CALD1: variants seen among roughly 807,000 people sequenced by gnomAD.
CALD1 encodes the protein caldesmon 1, also known as caldesmon.
In CALD1, 33 loss-of-function variants were observed where a neutral mutation model predicts 99.9. The ratio of observed to expected loss-of-function variants is 0.33; its 90% CI spans 0.25 to 0.44. CALD1 has a LOEUF of 0.44. CALD1 is among the 20% of genes least tolerant of loss of function. The pLI is 1.00. For synonymous variants in CALD1, 310 were observed against 325.0 expected (o/e 0.95, Z 0.50); for missense variants, 861 against 962.1 (o/e 0.89, Z 1.39).
intron 3 of CALD1, among the ~76,000 whole-genome samples, chr7:134,878,110 T>A (rs1801432833): frequency 6.6e-6 from 1 of 152,138 alleles, no homozygotes; most frequent in Admixed American, 6.5e-5. Context: ...TCCTGAATAA[T>A]TCATTTATTT....
Position 134,933,547 on chromosome 7 carries a change from G to T in CALD1, c.778G>T (p.Glu260Ter). 1 of 1,613,832 alleles carries T rather than the reference G, an allele frequency of 6.2e-7. No homozygotes were observed. Among genetic ancestry groups the T allele is most frequent in the South Asian group, 1.1e-5 (1 of 90,984 alleles). ...TTCCCATCATGAAAAGATGGAAGAGGAAGACAAGGAAAGAGCTGAGGCAGA... is the reference window on the plus strand; with the variant it reads ...TTCCCATCATGAAAAGATGGAAGAGTAAGACAAGGAAAGAGCTGAGGCAGA... ...EISHHEKMEE[E>*]DKERAEAERA... The change falls in exon 5 of 15, where the codon GAA (glutamate) becomes TAA (stop). Residue 260 changes from glutamate to a stop codon, truncating the protein, a stop_gained. Coordinates refer to ENST00000361675, the MANE Select transcript of CALD1 (RefSeq NM_033138.4). LOFTEE classifies it high-confidence loss of function.
intron 3 of CALD1, among the ~76,000 whole-genome samples, chr7:134,882,567 C>A (rs773505745): frequency 2.5e-4 from 38 of 152,132 alleles, no homozygotes; most frequent in Non-Finnish European, 1.8e-4. Flanking sequence ...GCCAAACGTA[C>A]AGGAGTCCAA....
chr7:134,929,644 G>GTATATATATA (rs1298035690), intron 4 of CALD1, among the ~76,000 whole-genome samples: 1 of 1,812 alleles, frequency 5.5e-4, no homozygotes, highest in Non-Finnish European at 1.2e-3. Context: ...GTGTGTGTGT[G>GTATATATATA]TGTATATATA....
upstream of CALD1, among the ~76,000 whole-genome samples, chr7:134,740,280 G>A (rs528817713): frequency 1.3e-5 from 2 of 152,140 alleles, no homozygotes; most frequent in African/African-American, 4.8e-5. Flanking sequence ...AATATGCAAT[G>A]ACACAAGTCT....
the CALD1 span, among the ~76,000 whole-genome samples, chr7:134,728,396 C>T: frequency 6.6e-6 from 1 of 152,154 alleles, no homozygotes; most frequent in Non-Finnish European, 1.5e-5. Context: ...ACAGAAACAA[C>T]CTGCTTGGTT....
At chr7:134,906,985 G>A (rs968649828) in intron 3 of CALD1, among the ~76,000 whole-genome samples, 3 of 152,132 alleles carry the variant, frequency 2.0e-5, no homozygotes, top group South Asian at 2.1e-4. Flanking sequence ...GTTACCTAAC[G>A]CCTCTGAGCC....
At chr7:134,836,181 C>T (rs945488525) in intron 1 of CALD1, among the ~76,000 whole-genome samples, 14 of 141,230 alleles carry the variant, frequency 9.9e-5, no homozygotes, top group Admixed American at 5.6e-4. Context: ...AATGATATGA[C>T]TCTTACCCTT....
intron 3 of CALD1, among the ~76,000 whole-genome samples, chr7:134,882,753 A>G (rs560619675): frequency 6.6e-6 from 1 of 152,248 alleles, no homozygotes; most frequent in African/African-American, 2.4e-5. Flanking sequence ...TTAGCATACA[A>G]TAGAATGGAG....
At chr7:134,744,522 T>A (rs1796618268) in intron 1 of CALD1, among the ~76,000 whole-genome samples, 1 of 151,512 alleles carries the variant, frequency 6.6e-6, no homozygotes. Flanking sequence ...GCAAGATTAA[T>A]TTAATAATTT....
intron 1 of CALD1, among the ~76,000 whole-genome samples, chr7:134,815,273 A>T (rs1798516931): frequency 2.0e-5 from 3 of 152,190 alleles, no homozygotes; most frequent in Non-Finnish European, 4.4e-5. Context: ...GCAACTATCA[A>T]ATTGCTTGTA....
chr7:134,770,219 T>C (rs940345236), intron 1 of CALD1, among the ~76,000 whole-genome samples: 2 of 152,192 alleles, frequency 1.3e-5, no homozygotes, highest in African/African-American at 2.4e-5. Flanking sequence ...CTGCTGGTGT[T>C]GACTGGACTC....
At chr7:134,875,234 C>T (rs905149754) in intron 3 of CALD1, among the ~76,000 whole-genome samples, 1 of 152,158 alleles carries the variant, frequency 6.6e-6, no homozygotes, top group Non-Finnish European at 1.5e-5. Flanking sequence ...GATGTGGTCT[C>T]GCCATGTTGC....
intron 1 of CALD1, among the ~76,000 whole-genome samples, chr7:134,753,541 A>G (rs1022030549): frequency 7.2e-5 from 11 of 152,188 alleles, no homozygotes; most frequent in African/African-American, 2.2e-4. Context: ...TTAGACTGGG[A>G]TGCAGCCTAG....
At chr7:134,966,056 T>C (rs1808659651) in intron 14 of CALD1, among the ~76,000 whole-genome samples, 1 of 152,044 alleles carries the variant, frequency 6.6e-6, no homozygotes, top group Non-Finnish European at 1.5e-5. Flanking sequence ...CTGTAGCCTT[T>C]CCCCATTTCA....
At chr7:134,818,045 A>G (rs983981856) in intron 1 of CALD1, among the ~76,000 whole-genome samples, 2 of 152,116 alleles carry the variant, frequency 1.3e-5, no homozygotes, top group African/African-American at 4.8e-5. Context: ...TTTGAGTTTT[A>G]TATGCACAGA....
At chr7:134,868,286 G>C (rs1800897776) in intron 3 of CALD1, 1 of 153,194 alleles carries the variant, frequency 6.5e-6, no homozygotes, top group African/African-American at 2.4e-5. Context: ...GATCTGCATA[G>C]TACAGGTTAA....
chr7:134,960,603 A>AC lies in CALD1; in HGVS notation c.2271dup (p.Lys758GlnfsTer9). The AC allele has an allele frequency of 6.2e-7, 1 of 1,612,328 alleles. No individual in the cohort carries two copies. The highest frequency in any genetic ancestry group is 8.5e-7 in the Non-Finnish European group (1 of 1,178,426). ...TGGCTAACTAAAACCCCAGATGGAA[A>AC]CAAGTCACCTGCTCCCAAACCTTCT... On this transcript the variant is annotated frameshift_variant, in exon 13 of 15. Coordinates refer to ENST00000361675, the MANE Select transcript of CALD1 (RefSeq NM_033138.4). LOFTEE classifies it high-confidence loss of function.
intron 3 of CALD1, among the ~76,000 whole-genome samples, chr7:134,927,233 T>A (rs913693856): frequency 1.3e-5 from 2 of 152,176 alleles, no homozygotes; most frequent in African/African-American, 4.8e-5. Flanking sequence ...AATTCTTTAT[T>A]TGGAAATAAG....
At chr7:134,864,535 A>C (rs1431715971) in intron 2 of CALD1, among the ~76,000 whole-genome samples, 1 of 151,750 alleles carries the variant, frequency 6.6e-6, no homozygotes, top group African/African-American at 2.4e-5. Context: ...AGTAGCTAGG[A>C]TTATAGGCAC....
Sources: gnomAD v4.1 joint callset for allele counts (sites outside exome capture counted in the v4.1 genomes callset) on GRCh38, gnomAD v4.1.1 for gene constraint, MANE v1.5 for transcripts, NCBI Gene and HGNC (gene_info 2026-07-23, HGNC 2026-07-21) for gene names.